The following MSRB3 variants were observed in gnomAD, a reference collection of about 807,000 sequenced individuals.
MSRB3 encodes the protein methionine sulfoxide reductase B3.
In MSRB3, 13 loss-of-function variants were observed where a neutral mutation model predicts 21.0. The observed-to-expected ratio is 0.62, with a 90% confidence interval of 0.40 to 0.98. The LOEUF is 0.98. Among genes scored for constraint, MSRB3 ranks in the 50% least tolerant of loss-of-function variants. The pLI is 0.00. For synonymous variants in MSRB3, 87 were observed against 88.6 expected, an observed-to-expected ratio of 0.98 and a Z score of 0.10; for missense variants, 199 against 230.3, an observed-to-expected ratio of 0.86 and a Z score of 0.88.
At chr12:65,374,552 A>G (rs760511119) in intron 5 of MSRB3, among the ~76,000 whole-genome samples, 1 of 152,182 alleles carries the variant, frequency 6.6e-6, no homozygotes, top group Non-Finnish European at 1.5e-5. Context: ...AAGCCAATTT[A>G]TTTTAGATTT....
chr12:65,311,955 C>T (rs900978756), intron 2 of MSRB3, among the ~76,000 whole-genome samples: 1 of 151,874 alleles, frequency 6.6e-6, no homozygotes, highest in African/African-American at 2.4e-5. Context: ...TTAAGTGCAT[C>T]TGAGTTATGG....
At chr12:65,433,838 A>G (rs1027136413) in intron 5 of MSRB3, among the ~76,000 whole-genome samples, 1 of 151,850 alleles carries the variant, frequency 6.6e-6, no homozygotes, top group African/African-American at 2.4e-5. Flanking sequence ...GCAGCCCAAT[A>G]AGAGACGACC....
intron 5 of MSRB3, among the ~76,000 whole-genome samples, chr12:65,432,657 T>A (rs993980160): frequency 6.6e-6 from 1 of 151,696 alleles, no homozygotes; most frequent in Non-Finnish European, 1.5e-5. Flanking sequence ...CTTTTTTTTT[T>A]ACAGATGTTT....
chr12:65,300,662 C>T (rs1873270426), intron 1 of MSRB3, among the ~76,000 whole-genome samples: 1 of 152,200 alleles, frequency 6.6e-6, no homozygotes, highest in African/African-American at 2.4e-5. Flanking sequence ...AAATAGCCCC[C>T]AAATCCCAAT....
chr12:65,411,869 A>G (rs1490037992), intron 5 of MSRB3, among the ~76,000 whole-genome samples: 2 of 151,190 alleles, frequency 1.3e-5, no homozygotes, highest in Admixed American at 1.3e-4. Flanking sequence ...AAAACATAGG[A>G]TGTGATTTTT....
intron 5 of MSRB3, among the ~76,000 whole-genome samples, chr12:65,408,113 A>C (rs1392639025): frequency 6.6e-6 from 1 of 151,608 alleles, no homozygotes; most frequent in Non-Finnish European, 1.5e-5. Context: ...TTGTTTTTTT[A>C]AGATGGTGTC....
chr12:65,450,233 C>T (rs139022510), intron 5 of MSRB3, among the ~76,000 whole-genome samples: 26 of 152,238 alleles, frequency 1.7e-4, no homozygotes, highest in African/African-American at 5.1e-4. Context: ...TCTGGAGTTG[C>T]TTCACATGAC....
At chr12:65,419,814 C>G in intron 5 of MSRB3, 1 of 901,682 alleles carries the variant, frequency 1.1e-6, no homozygotes, top group Non-Finnish European at 1.8e-6. Context: ...TGCCAGACCC[C>G]TAGCCATCCC....
intron 4 of MSRB3, among the ~76,000 whole-genome samples, chr12:65,343,925 T>C (rs183726003): frequency 8.5e-5 from 13 of 152,178 alleles, no homozygotes; most frequent in Admixed American, 8.5e-4. Context: ...ATGATTAAGG[T>C]GTAATACATG....
At chr12:65,357,931 A>G (rs1038901039) in intron 4 of MSRB3, among the ~76,000 whole-genome samples, 10 of 151,990 alleles carry the variant, frequency 6.6e-5, no homozygotes, top group African/African-American at 2.2e-4. Flanking sequence ...CACTGTAAAC[A>G]TACTTTTTTC....
chr12:65,330,475 T>G (rs901903859), intron 4 of MSRB3, among the ~76,000 whole-genome samples: 55 of 152,358 alleles, frequency 3.6e-4, no homozygotes, highest in African/African-American at 1.1e-3. Context: ...TTCCTTGCTG[T>G]ATCCTTCACT....
intron 2 of MSRB3, 156 bp downstream of exon 2, chr12:65,308,811 T>C: frequency 5.5e-6 from 5 of 910,762 alleles, no homozygotes; most frequent in Non-Finnish European, 8.6e-6. Context: ...ACCACTCTAC[T>C]TTGAGTAACA....
intron 4 of MSRB3, among the ~76,000 whole-genome samples, chr12:65,358,236 AC>A (rs894470726): frequency 2.0e-5 from 3 of 151,464 alleles, no homozygotes; most frequent in Non-Finnish European, 4.4e-5. Flanking sequence ...TTCCACCTCA[AC>A]CCCCCGAGTA....
intron 2 of MSRB3, 32 bp from the exon 3 acceptor site, chr12:65,326,794 G>C: frequency 6.4e-7 from 1 of 1,556,520 alleles, no homozygotes; most frequent in Non-Finnish European, 8.9e-7. Flanking sequence ...AAGCTAAAAA[G>C]GCTTCTTCTC....
chr12:65,423,778 G>T (rs2136649379), intron 5 of MSRB3, among the ~76,000 whole-genome samples: 1 of 152,178 alleles, frequency 6.6e-6, no homozygotes, highest in East Asian at 1.9e-4. Flanking sequence ...TATTCATCAG[G>T]GATATTGGCC....
intron 5 of MSRB3, among the ~76,000 whole-genome samples, chr12:65,433,357 A>C (rs1881971778): frequency 6.6e-6 from 1 of 151,856 alleles, no homozygotes; most frequent in African/African-American, 2.4e-5. Flanking sequence ...TCTGGGATAA[A>C]ACTTCCAGAA....
chr12:65,381,710 T>G (rs183659838), intron 5 of MSRB3, among the ~76,000 whole-genome samples: 1 of 152,170 alleles, frequency 6.6e-6, no homozygotes, highest in African/African-American at 2.4e-5. Flanking sequence ...TTTTCATTAA[T>G]TTCCCAGGAT....
intron 4 of MSRB3, among the ~76,000 whole-genome samples, chr12:65,356,699 G>A (rs1185812376): frequency 6.6e-6 from 1 of 151,878 alleles, no homozygotes; most frequent in Non-Finnish European, 1.5e-5. Flanking sequence ...CAGGTTAGTG[G>A]TTCTCAGGAT....
intron 1 of MSRB3, among the ~76,000 whole-genome samples, chr12:65,299,762 TC>T (rs1349012952): frequency 5.9e-5 from 9 of 152,210 alleles, no homozygotes; most frequent in South Asian, 2.1e-4. Context: ...GAGTCTTTCC[TC>T]CACCTTTCTT....
Sources: gnomAD v4.1 joint callset for allele counts (sites outside exome capture counted in the v4.1 genomes callset) on GRCh38, gnomAD v4.1.1 for gene constraint, MANE v1.5 for transcripts, NCBI Gene and HGNC (gene_info 2026-07-23, HGNC 2026-07-21) for gene names.